The following CEACAM5 variants were observed in gnomAD, a reference collection of about 807,000 sequenced individuals.
The protein encoded by CEACAM5 is CEA cell adhesion molecule 5, also known as cell adhesion molecule CEACAM5.
Under a neutral mutation model 63.0 loss-of-function variants are expected in CEACAM5, and 52 were observed. The ratio of observed to expected loss-of-function variants is 0.83; its 90% CI spans 0.66 to 1.04. The LOEUF is 1.04. Ranked by LOEUF, CEACAM5 falls within the 50% of genes least tolerant of loss-of-function variation. The probability of loss-of-function intolerance (pLI) is 0.00; values close to 1 mark genes in which losing one functional copy is unlikely to be tolerated. For missense variants in CEACAM5, 790 were observed against 864.8 expected (o/e 0.91, Z 1.08); for synonymous variants, 357 against 351.3 (o/e 1.02, Z -0.18).
chr19:41,721,623 A>G (rs1452370323), intron 8 of CEACAM5, among the ~76,000 whole-genome samples: 1 of 152,246 alleles, frequency 6.6e-6, no homozygotes, highest in Non-Finnish European at 1.5e-5. Context: ...CCCTTGGATG[A>G]GGCAGGAGCA....
chr19:41,719,539 A>G (rs782266907), intron 6 of CEACAM5, among the ~76,000 whole-genome samples: 3 of 152,158 alleles, frequency 2.0e-5, no homozygotes, highest in Non-Finnish European at 4.4e-5. Context: ...AGGCTCAGAG[A>G]AAACACCCCA....
In CEACAM5 at chr19:41,720,144, T is replaced by C. The variant is rs375804916; in HGVS notation, c.1707T>C (p.Tyr569=). 354 of 1,614,236 alleles carry C rather than the reference T, an allele frequency of 2.2e-4. 1 individual carries two copies. Among genetic ancestry groups the C allele is most frequent in the Middle Eastern group, 1.3e-3 (8 of 6,062 alleles). ...TCACAAGAAATGACGCAAGAGCCTA[T>C]GTATGTGGAATCCAGAACTCAGTGA... is the stretch of plus-strand genomic sequence containing the variant. ...FNVTRNDARA[Y]VCGIQNSVSA... The change falls in exon 7 of 10, where the codon TAT becomes TAC. Residue 569 remains tyrosine (Y), a synonymous_variant. Transcript: ENST00000221992.
intron 8 of CEACAM5, among the ~76,000 whole-genome samples, chr19:41,725,321 T>C (rs2072683825): frequency 6.6e-6 from 1 of 152,256 alleles, no homozygotes; most frequent in South Asian, 2.1e-4. Context: ...AATATTTCTG[T>C]AGAATTTGTA....
chr19:41,716,240 T>C (rs2072525297), intron 4 of CEACAM5, among the ~76,000 whole-genome samples: 2 of 152,240 alleles, frequency 1.3e-5, no homozygotes, highest in South Asian at 4.1e-4. Flanking sequence ...TCCCTTTCTG[T>C]CACCTCTTTG....
chr19:41,710,149 G>T, intron 2 of CEACAM5, 110 bp downstream of exon 2: 1 of 1,468,888 alleles, frequency 6.8e-7, no homozygotes, highest in Admixed American at 2.2e-5. Context: ...TACGCACCAT[G>T]TTAGGGTTTG....
intron 8 of CEACAM5, among the ~76,000 whole-genome samples, chr19:41,725,256 A>T (rs12985771): frequency 3.3e-5 from 5 of 151,930 alleles, no homozygotes; most frequent in Admixed American, 1.3e-4. Context: ...CATTTCATCT[A>T]GGTTATTCAA....
intron 8 of CEACAM5, among the ~76,000 whole-genome samples, chr19:41,724,321 G>A (rs2072668723): frequency 6.6e-6 from 1 of 152,224 alleles, no homozygotes; most frequent in East Asian, 1.9e-4. Flanking sequence ...CTATTGCTTT[G>A]GTTTCAATAT....
chr19:41,710,038 C>G lies in CEACAM5; in HGVS notation c.423C>G (p.Tyr141Ter), dbSNP rs1555813805. ...NEEATGQFRV[Y>*]PELPKPSISS... ...AAGCAACTGGCCAGTTCCGGGTATACCGTGAGTGATTCCCCCATGACCTCT... is the reference window on the plus strand; with the variant it reads ...AAGCAACTGGCCAGTTCCGGGTATAGCGTGAGTGATTCCCCCATGACCTCT... The change falls in exon 2 of 10, where the codon TAC becomes TAG. Residue 141 changes from tyrosine (Y) to a stop codon, truncating the protein, a stop_gained and splice_region_variant. Transcript: ENST00000221992. LOFTEE classifies it high-confidence loss of function. The G allele has an allele frequency of 3.8e-6, 6 of 1,594,036 alleles. No homozygotes were observed. In the South Asian group the frequency reaches 6.9e-5, roughly 18 times the overall value.
At chr19:41,720,294 C>G in intron 7 of CEACAM5, 86 bp downstream of exon 7, 2 of 1,480,382 alleles carry the variant, frequency 1.4e-6, no homozygotes, top group Non-Finnish European at 9.2e-7. Flanking sequence ...CTCCTCAGGT[C>G]CAAAGAGGCA....
intron 2 of CEACAM5, 194 bp downstream of exon 2, chr19:41,710,233 T>A: frequency 1.1e-6 from 1 of 924,592 alleles, no homozygotes; most frequent in Non-Finnish European, 1.6e-6. Context: ...ATCCAGACCC[T>A]GCAGACACTC....
chr19:41,709,613 A>AGGACCCC (rs1436929180), intron 1 of CEACAM5, 67 bp from the exon 2 acceptor site: 2 of 1,559,764 alleles, frequency 1.3e-6, no homozygotes, highest in African/African-American at 2.7e-5. Context: ...CTCAGGACCC[A>AGGACCCC]GGACCCCATT....
rs150900406 is a variant in CEACAM5 at position 41,715,219 on chromosome 19, C to A, written c.673C>A (p.Arg225Ser). The A allele has an allele frequency of 4.3e-5, 69 of 1,614,212 alleles. No homozygotes were observed. The African/African-American group carries it at 7.7e-4, about 18-fold the overall frequency. The part of the protein sequence containing the change: ...CETQNPVSAR[R>S]SDSVILNVLY... Reference sequence around the variant, plus strand: ...AACCCAGAACCCAGTGAGTGCCAGGCGCAGTGATTCAGTCATCCTGAATGT... The same window carrying A: ...AACCCAGAACCCAGTGAGTGCCAGGAGCAGTGATTCAGTCATCCTGAATGT... The change falls in exon 3 of 10, where the codon CGC (arginine) becomes AGC (serine). Residue 225 changes from arginine to serine, a missense_variant. By Grantham distance (110) the Arg-to-Ser change is moderately radical. Coordinates refer to ENST00000221992, the MANE Select transcript of CEACAM5 (RefSeq NM_004363.6).
intron 2 of CEACAM5, 62 bp downstream of exon 2, chr19:41,710,101 T>A: frequency 6.4e-7 from 1 of 1,569,446 alleles, no homozygotes; most frequent in South Asian, 1.2e-5. Context: ...ACACACAGGA[T>A]TATCAGGCCT....
At position 41,727,267 on chromosome 19, in the gene CEACAM5, C is replaced by T; in HGVS notation, c.2060C>T (p.Ala687Val). ...SGTSPGLSAG[A>V]TVGIMIGVLV... ...ACTTCTCCTGGTCTCTCAGCTGGGG[C>T]CACTGTCGGCATCATGATTGGAGTG... is the stretch of plus-strand genomic sequence containing the variant. Residue 687 changes from alanine (A) to valine (V), a missense_variant, in exon 9 of 10, where the codon GCC (alanine) becomes GTC (valine). Ala to Val is a moderately conservative substitution (Grantham distance 64, BLOSUM62 0). Transcript: ENST00000221992. 6.2e-7 allele frequency: 1 copy of T among 1,614,026 alleles called. No homozygotes were observed. Among genetic ancestry groups the T allele is most frequent in the Non-Finnish European group, 8.5e-7 (1 of 1,179,904 alleles).
intron 8 of CEACAM5, among the ~76,000 whole-genome samples, chr19:41,722,497 C>T (rs1239083540): frequency 6.6e-6 from 1 of 152,134 alleles, no homozygotes; most frequent in African/African-American, 2.4e-5. Flanking sequence ...ACAGTAACTC[C>T]TTCTCTCCCC....
intron 2 of CEACAM5, among the ~76,000 whole-genome samples, chr19:41,711,009 G>A (rs532582347): frequency 2.4e-4 from 36 of 152,294 alleles, no homozygotes; most frequent in Admixed American, 1.2e-3. Flanking sequence ...AGTCACATGA[G>A]GTCTGTCTGT....
rs1462554856 is a variant in CEACAM5, at chr19:41,729,972, G to C, written c.*825G>C. On this transcript the variant is annotated 3_prime_UTR_variant, in exon 10 of 10. Transcript: ENST00000221992. ...ATATTACCAAGACTTTGACTAGAAT[G>C]TCGTATTTGAGGATATAAACCCATA... Among the ~76,000 whole-genome samples the C allele has an allele frequency of 6.6e-6, 1 of 152,180 alleles. No homozygotes were observed. Among genetic ancestry groups the C allele is most frequent in the Non-Finnish European group, 1.5e-5 (1 of 68,036 alleles).
At chr19:41,713,115 G>A (rs552930150) in intron 2 of CEACAM5, among the ~76,000 whole-genome samples, 2 of 152,234 alleles carry the variant, frequency 1.3e-5, no homozygotes, top group South Asian at 4.1e-4. Flanking sequence ...GACCATCCTG[G>A]CCAACATGGT....
At chr19:41,710,131 C>A (rs1555813841) in intron 2 of CEACAM5, 92 bp downstream of exon 2, 1 of 1,516,420 alleles carries the variant, frequency 6.6e-7, no homozygotes, top group East Asian at 2.2e-5. Flanking sequence ...CTGTGGCCCC[C>A]TCTGCATTAC....
Sources: gnomAD v4.1 joint callset for allele counts (sites outside exome capture counted in the v4.1 genomes callset) on GRCh38, gnomAD v4.1.1 for gene constraint, MANE v1.5 for transcripts, NCBI Gene and HGNC (gene_info 2026-07-23, HGNC 2026-07-21) for gene names.